KCNIP4: variants seen among roughly 807,000 people sequenced by gnomAD.
KCNIP4 encodes the protein potassium voltage-gated channel interacting protein 4.
Under a neutral mutation model 34.0 loss-of-function variants are expected in KCNIP4, and 12 were observed. The observed-to-expected ratio is 0.35, with a 90% CI of 0.23 to 0.57. The LOEUF is 0.57. KCNIP4 is among the 20% of genes least tolerant of loss of function. KCNIP4 has a pLI of 0.83. For synonymous variants in KCNIP4, 124 were observed against 102.2 expected (o/e 1.21, Z -1.29); for missense variants, 238 against 311.7 (o/e 0.76, Z 1.78).
intron 1 of KCNIP4, among the ~76,000 whole-genome samples, chr4:21,785,280 T>C (rs1194515055): frequency 1.3e-5 from 2 of 151,656 alleles, no homozygotes; most frequent in East Asian, 1.9e-4. Flanking sequence ...TTTTAGAACA[T>C]TTATATCACT....
At chr4:21,016,385 G>A (rs989206441) in intron 1 of KCNIP4, among the ~76,000 whole-genome samples, 7 of 149,676 alleles carry the variant, frequency 4.7e-5, no homozygotes, top group African/African-American at 1.7e-4. Context: ...TGCAAGCTCT[G>A]CCTCCCGGGT....
chr4:21,269,789 TG>T (rs562575499), intron 1 of KCNIP4, among the ~76,000 whole-genome samples: 1 of 151,922 alleles, frequency 6.6e-6, no homozygotes, highest in Admixed American at 6.6e-5. Context: ...GCTCAAAAGT[TG>T]GGGGGAAGAA....
intron 1 of KCNIP4, among the ~76,000 whole-genome samples, chr4:21,837,011 G>A (rs950560782): frequency 1.3e-4 from 19 of 145,882 alleles, no homozygotes; most frequent in African/African-American, 3.1e-4. Context: ...TCTGCCTCCC[G>A]GATTCACTCC....
intron 1 of KCNIP4, among the ~76,000 whole-genome samples, chr4:21,094,573 C>A (rs781344279): frequency 6.6e-6 from 1 of 152,104 alleles, no homozygotes; most frequent in Non-Finnish European, 1.5e-5. Flanking sequence ...TTCCAATGAG[C>A]CTCGTCTCCT....
At chr4:21,473,080 A>G (rs35049924) in intron 1 of KCNIP4, among the ~76,000 whole-genome samples, 19,002 of 152,230 alleles carry the variant, frequency 0.12, 1,353 homozygotes, top group South Asian at 0.21. Flanking sequence ...TCTTTCTGAC[A>G]TGATGATTGG....
At chr4:21,376,071 T>A (rs2109456692) in intron 1 of KCNIP4, among the ~76,000 whole-genome samples, 1 of 152,350 alleles carries the variant, frequency 6.6e-6, no homozygotes, top group African/African-American at 2.4e-5. Flanking sequence ...ATCTTAAGTT[T>A]GGGAGGAAAT....
At chr4:21,467,327 A>T (rs189454825) in intron 1 of KCNIP4, among the ~76,000 whole-genome samples, 1 of 152,264 alleles carries the variant, frequency 6.6e-6, no homozygotes, top group East Asian at 1.9e-4. Flanking sequence ...AAAAATATAT[A>T]ATAAATATTT....
intron 1 of KCNIP4, among the ~76,000 whole-genome samples, chr4:20,909,467 A>C (rs143348684): frequency 2.4e-4 from 36 of 152,254 alleles, no homozygotes; most frequent in African/African-American, 7.9e-4. Flanking sequence ...TGTCGACTGC[A>C]TTGCTTATGT....
intron 2 of KCNIP4, among the ~76,000 whole-genome samples, chr4:20,858,159 C>T (rs1160699339): frequency 7.5e-6 from 1 of 134,200 alleles, no homozygotes; most frequent in African/African-American, 2.8e-5. Flanking sequence ...TGCAGTGAGC[C>T]GAGATCTCGC....
chr4:21,347,108 A>T lies in KCNIP4; in HGVS notation c.62-464399T>A, dbSNP rs190181421. Among the ~76,000 whole-genome samples the T allele has an allele frequency of 3.5e-3, 527 of 152,318 alleles. 2 individuals carry two copies. The highest frequency in any genetic ancestry group is 0.012 in the African/African-American group (493 of 41,572). On this transcript the variant is annotated intron_variant, in intron 1 of 8. Transcript: ENST00000382152. ...TGCGCAAGTGAACTAGACTGAGCCC[A>T]ATAAAGAGAAAACCACTTCAGATAT... is the stretch of plus-strand genomic sequence containing the variant.
In KCNIP4 at chr4:21,790,341, C is replaced by A. The variant is rs570190754; in HGVS notation, c.61+158230G>T. ...AACATATTTCATCAATGCTGGAAAT[C>A]TAAGCAACCACTTTAATACGATACT... On this transcript the variant is annotated intron_variant, in intron 1 of 8. Transcript: ENST00000382152. Among the ~76,000 whole-genome samples the A allele has an allele frequency of 2.0e-3, 305 of 152,240 alleles. 5 individuals carry two copies. Among genetic ancestry groups the A allele is most frequent in the Middle Eastern group, 6.8e-3 (2 of 292 alleles).
chr4:21,397,982 C>T (rs972741374), intron 1 of KCNIP4, among the ~76,000 whole-genome samples: 1 of 152,216 alleles, frequency 6.6e-6, no homozygotes, highest in Admixed American at 6.5e-5. Context: ...CACAGTCACA[C>T]ACACCGTGGG....
At chr4:20,937,524 G>A (rs1412980209) in intron 1 of KCNIP4, among the ~76,000 whole-genome samples, 2 of 148,168 alleles carry the variant, frequency 1.3e-5, no homozygotes, top group Admixed American at 6.7e-5. Flanking sequence ...GTGAGCCACC[G>A]TGCCTGGCCC....
intron 1 of KCNIP4, among the ~76,000 whole-genome samples, chr4:21,293,504 C>T (rs186812545): frequency 2.3e-3 from 346 of 152,290 alleles, no homozygotes; most frequent in African/African-American, 7.9e-3. Flanking sequence ...GTCATGCTGT[C>T]AAATAATCCC....
rs1402952254 is a variant in KCNIP4, at chr4:20,729,928, TCTTTTGGGGATTG to T, written c.*141_*153del. On this transcript the variant is annotated 3_prime_UTR_variant, in exon 9 of 9. Coordinates refer to ENST00000382152, the MANE Select transcript of KCNIP4 (RefSeq NM_025221.6). ...GCAAATTTATAACTGAAAGCTCAAA[TCTTTTGGGGATTG>T]CTTTATATTAAAACAAAGCTTGTTT... is the stretch of plus-strand genomic sequence containing the variant. 1.2e-6 allele frequency: 1 copy of T among 820,032 alleles called. No homozygotes were observed. Among genetic ancestry groups the T allele is most frequent in the African/African-American group, 1.8e-5 (1 of 56,410 alleles). The allele number at this position is 820,032 out of a possible 1,614,324, so 50.8% of individuals were successfully genotyped here. A position where few individuals can be genotyped will look rare whatever the true frequency, so the allele number is the denominator to read the frequency against.
At chr4:20,800,229 C>T (rs755306208) in intron 3 of KCNIP4, among the ~76,000 whole-genome samples, 2 of 152,214 alleles carry the variant, frequency 1.3e-5, no homozygotes. Flanking sequence ...TGGGCCCACA[C>T]AGAACTACAG....
intron 1 of KCNIP4, among the ~76,000 whole-genome samples, chr4:21,550,825 A>C (rs980845499): frequency 2.0e-5 from 3 of 152,130 alleles, no homozygotes; most frequent in Non-Finnish European, 4.4e-5. Context: ...TAAAATTTCA[A>C]AAAAACCACA....
chr4:21,222,925 G>C (rs983581967), intron 1 of KCNIP4, among the ~76,000 whole-genome samples: 1 of 152,200 alleles, frequency 6.6e-6, no homozygotes, highest in African/African-American at 2.4e-5. Context: ...AGGCATTGTG[G>C]TGCAGTGGTT....
rs551998273 is a variant in KCNIP4 at position 21,935,606 on chromosome 4, A to T, written c.61+12965T>A. 6.6e-5 allele frequency among the ~76,000 whole-genome samples: 10 copies of T among 152,052 alleles called. No homozygotes were observed. The East Asian group carries it at 1.9e-3, about 30-fold the overall frequency. ...AGAGTGACCTCCTGTTCCCTTCTAC[A>T]CTAGAGGACCAGATTTATCCCTTCC... On this transcript the variant is annotated intron_variant, in intron 1 of 8. Coordinates refer to ENST00000382152, the MANE Select transcript of KCNIP4 (RefSeq NM_025221.6).
Sources: allele counts gnomAD v4.1 joint callset (sites outside exome capture counted in the v4.1 genomes callset), GRCh38; gene constraint gnomAD v4.1.1; transcripts MANE v1.5; gene names NCBI Gene and HGNC (gene_info 2026-07-23, HGNC 2026-07-21).